KCNK9: variants seen among roughly 807,000 people sequenced by gnomAD.
KCNK9 encodes potassium channel subfamily K member 9.
A neutral mutation model predicts 10.8 loss-of-function variants in KCNK9; 1 was observed. That is an observed-to-expected ratio of 0.09 (90% CI 0.03 to 0.44). The LOEUF is 0.44. KCNK9 is among the 20% of genes least tolerant of loss of function. The pLI is 0.97. For synonymous variants in KCNK9, 231 were observed against 222.7 expected, an observed-to-expected ratio of 1.04 and a Z score of -0.33; for missense variants, 303 against 515.0, an observed-to-expected ratio of 0.59 and a Z score of 3.98.
chr8:139,645,526 CCACAGGGCTG>C (rs1815649558), intron 1 of KCNK9, among the ~76,000 whole-genome samples: 1 of 152,194 alleles, frequency 6.6e-6, no homozygotes, highest in South Asian at 2.1e-4. Context: ...TACCACCTCC[CCACAGGGCTG>C]CAGAAAGGTC....
chr8:139,686,098 A>C (rs1239833745), intron 1 of KCNK9, among the ~76,000 whole-genome samples: 1 of 152,208 alleles, frequency 6.6e-6, no homozygotes, highest in Non-Finnish European at 1.5e-5. Context: ...CTTACACCTT[A>C]TACAAAAATT....
At chr8:139,672,105 G>A (rs1018682305) in intron 1 of KCNK9, among the ~76,000 whole-genome samples, 3 of 152,130 alleles carry the variant, frequency 2.0e-5, no homozygotes, top group South Asian at 2.1e-4. Flanking sequence ...AGCCACTCAC[G>A]GCAGGGGCTC....
chr8:139,615,502 AG>A (rs1233687529), downstream of KCNK9, among the ~76,000 whole-genome samples: 1 of 152,120 alleles, frequency 6.6e-6, no homozygotes, highest in African/African-American at 2.4e-5. Flanking sequence ...AGACCACAGC[AG>A]GGGGAAGAGA....
intron 1 of KCNK9, among the ~76,000 whole-genome samples, chr8:139,686,232 G>C: frequency 6.6e-6 from 1 of 152,094 alleles, no homozygotes; most frequent in Non-Finnish European, 1.5e-5. Flanking sequence ...AACACCAAAA[G>C]CAATGAAAAC....
At chr8:139,603,012 T>C (rs908535528) in intron 2 of KCNK9, among the ~76,000 whole-genome samples, 1 of 152,194 alleles carries the variant, frequency 6.6e-6, no homozygotes, top group African/African-American at 2.4e-5. Flanking sequence ...TCACAACAAG[T>C]ATGCTGTGTA....
rs778867671 is a variant in KCNK9 at position 139,620,867 on chromosome 8, C to T, written c.284-1768G>A. Among the ~76,000 whole-genome samples, 34 of 152,222 alleles carry T rather than the reference C, an allele frequency of 2.2e-4. No individual in the cohort carries two copies. In the Middle Eastern group the frequency reaches 0.02, roughly 91 times the overall value. On this transcript the variant is annotated intron_variant, in intron 1 of 1. Transcript: ENST00000520439. Reference sequence around the variant, plus strand: ...GATATATCAATTGAAATTATCCAATCTGAAGAGCAGAGAGGAATAAAGAAG... The same window carrying T: ...GATATATCAATTGAAATTATCCAATTTGAAGAGCAGAGAGGAATAAAGAAG...
intron 1 of KCNK9, among the ~76,000 whole-genome samples, chr8:139,640,969 G>C (rs888075195): frequency 1.3e-5 from 2 of 152,216 alleles, no homozygotes; most frequent in African/African-American, 4.8e-5. Flanking sequence ...TGAATCACAG[G>C]TTTTTAAGAA....
chr8:139,650,253 T>C (rs575373667), intron 1 of KCNK9, among the ~76,000 whole-genome samples: 7 of 152,312 alleles, frequency 4.6e-5, no homozygotes, highest in African/African-American at 1.7e-4. Context: ...TGGGAGCACC[T>C]TCTGCTAACC....
At chr8:139,696,743 GTGGATGGA>G (rs540183564) in intron 1 of KCNK9, among the ~76,000 whole-genome samples, 195 of 147,996 alleles carry the variant, frequency 1.3e-3, no homozygotes, top group South Asian at 3.5e-3. Context: ...AGATGAGTGG[GTGGATGGA>G]TGGATGGATG....
intron 1 of KCNK9, among the ~76,000 whole-genome samples, chr8:139,622,546 T>A (rs1563719882): frequency 6.6e-6 from 1 of 152,150 alleles, no homozygotes; most frequent in Non-Finnish European, 1.5e-5. Flanking sequence ...TCTCTACAAG[T>A]TCCAGGAACT....
At chr8:139,603,264 G>A (rs2130070993) in intron 2 of KCNK9, among the ~76,000 whole-genome samples, 1 of 152,314 alleles carries the variant, frequency 6.6e-6, no homozygotes, top group Admixed American at 6.5e-5. Flanking sequence ...TTGGGCAGCG[G>A]CACAAGCACC....
intron 1 of KCNK9, among the ~76,000 whole-genome samples, chr8:139,694,286 C>G (rs1337372615): frequency 6.6e-6 from 1 of 152,200 alleles, no homozygotes; most frequent in Non-Finnish European, 1.5e-5. Flanking sequence ...ACCATCACAA[C>G]AAAGCTGCCA....
chr8:139,604,571 C>T (rs1817445522), intron 2 of KCNK9, among the ~76,000 whole-genome samples: 1 of 152,178 alleles, frequency 6.6e-6, no homozygotes, highest in South Asian at 2.1e-4. Context: ...CAGGCATCCA[C>T]AGAAGGGTTG....
At chr8:139,647,738 CA>C (rs1815734508) in intron 1 of KCNK9, among the ~76,000 whole-genome samples, 1 of 136,942 alleles carries the variant, frequency 7.3e-6, no homozygotes, top group South Asian at 2.7e-4. Flanking sequence ...CTCAGAAAGA[CA>C]AGGAGCTTCC....
intron 1 of KCNK9, among the ~76,000 whole-genome samples, chr8:139,689,056 A>C (rs1816880274): frequency 6.6e-6 from 1 of 152,136 alleles, no homozygotes; most frequent in South Asian, 2.1e-4. Flanking sequence ...AGGAGAGGAG[A>C]TTAGGACCAC....
intron 1 of KCNK9, among the ~76,000 whole-genome samples, chr8:139,628,429 G>A (rs966040094): frequency 3.3e-5 from 5 of 152,154 alleles, no homozygotes; most frequent in African/African-American, 1.2e-4. Flanking sequence ...TCCCACAATC[G>A]CCATGGAGAA....
chr8:139,647,735 A>G (rs1241403935), intron 1 of KCNK9, among the ~76,000 whole-genome samples: 1 of 143,792 alleles, frequency 7.0e-6, no homozygotes, highest in East Asian at 2.2e-4. Flanking sequence ...TCACTCAGAA[A>G]GACAAGGAGC....
Position 139,702,639 on chromosome 8 carries a change from C to T in KCNK9, c.283+71G>A. 1 of 1,487,442 alleles carries T rather than the reference C, an allele frequency of 6.7e-7. No homozygotes were observed. Among genetic ancestry groups the T allele is most frequent in the Non-Finnish European group, 9.0e-7 (1 of 1,109,652 alleles). The allele number at this position is 1,487,442 out of a possible 1,614,324, so 92.1% of individuals were successfully genotyped here. ...CCTCGACGCCCTGCACCCAGCCCGG[C>T]GCGGCGCGCTCAGCCGCCTCCCCGG... On this transcript the variant is annotated intron_variant, in intron 1 of 1. Transcript: ENST00000520439. This position sits in a 1 kb window ranked among gnomAD's most constrained non-coding sequence, Gnocchi z 7.5.
intron 2 of KCNK9, among the ~76,000 whole-genome samples, chr8:139,606,175 C>T (rs183228051): frequency 4.3e-4 from 65 of 152,240 alleles, no homozygotes; most frequent in Non-Finnish European, 7.6e-4. Flanking sequence ...GGTAAGGGTC[C>T]GGGACCAACC....
Sources: gnomAD v4.1 joint callset for allele counts (sites outside exome capture counted in the v4.1 genomes callset) on GRCh38, gnomAD v4.1.1 for gene constraint, Gnocchi (gnomAD v3.1) non-coding constraint, MANE v1.5 for transcripts, NCBI Gene and HGNC (gene_info 2026-07-23, HGNC 2026-07-21) for gene names.